The following IQCK variants were observed in gnomAD, a reference collection of about 807,000 sequenced individuals.
The protein encoded by IQCK is IQ domain-containing protein K.
A neutral mutation model predicts 28.1 loss-of-function variants in IQCK; 29 were observed. The ratio of observed to expected loss-of-function variants is 1.03; its 90% CI spans 0.77 to 1.41. IQCK has a LOEUF of 1.41. Among genes scored for constraint, IQCK ranks in the 40% most tolerant of loss-of-function variants. The pLI, the probability that IQCK is intolerant of heterozygous loss-of-function variation, is 0.00. For synonymous variants in IQCK, 113 were observed against 115.1 expected (o/e 0.98, Z 0.12); for missense variants, 359 against 314.7 (o/e 1.14, Z -1.07).
intron 7 of IQCK, among the ~76,000 whole-genome samples, chr16:19,817,178 A>T (rs986239677): frequency 6.6e-6 from 1 of 152,178 alleles, no homozygotes; most frequent in Non-Finnish European, 1.5e-5. Context: ...GAGCAAATAG[A>T]GACTCCACAC....
In IQCK at chr16:19,724,783, C is replaced by T. The variant is rs1001862095; in HGVS notation, c.182-5647C>T. On this transcript the variant is annotated intron_variant, in intron 1 of 7. Transcript: ENST00000564186. ...TCCTGACCTTGTGATCTGCCTGCCTCGGCCTCCCAAAGTGCTGGGATTACA... is the reference window on the plus strand; with the variant it reads ...TCCTGACCTTGTGATCTGCCTGCCTTGGCCTCCCAAAGTGCTGGGATTACA... Among the ~76,000 whole-genome samples, 10 of 152,144 alleles carry T rather than the reference C, an allele frequency of 6.6e-5. No individual in the cohort carries two copies. The East Asian group carries it at 1.3e-3, about 20-fold the overall frequency.
chr16:19,769,570 C>T (rs370452531), intron 6 of IQCK, among the ~76,000 whole-genome samples: 2 of 152,188 alleles, frequency 1.3e-5, no homozygotes, highest in African/African-American at 4.8e-5. Flanking sequence ...GCATCGCTAG[C>T]TCCTGGAGTG....
chr16:19,750,563 G>A (rs1370866143), intron 4 of IQCK, among the ~76,000 whole-genome samples: 1 of 151,824 alleles, frequency 6.6e-6, no homozygotes, highest in Non-Finnish European at 1.5e-5. Context: ...CCGGATTCAA[G>A]CAACTCTCCT....
chr16:19,769,106 T>A (rs2055282869), intron 6 of IQCK, among the ~76,000 whole-genome samples: 1 of 152,194 alleles, frequency 6.6e-6, no homozygotes, highest in South Asian at 2.1e-4. Context: ...GCTGCTTGAG[T>A]ATCCTCATGA....
At chr16:19,732,923 A>C (rs1303617980) in intron 2 of IQCK, among the ~76,000 whole-genome samples, 2 of 152,174 alleles carry the variant, frequency 1.3e-5, no homozygotes, top group East Asian at 1.9e-4. Flanking sequence ...GAAGGACCAG[A>C]AAGAAGCCTG....
chr16:19,827,892 C>T (rs2056169659), downstream of IQCK, among the ~76,000 whole-genome samples: 1 of 151,988 alleles, frequency 6.6e-6, no homozygotes, highest in Non-Finnish European at 1.5e-5. Flanking sequence ...TTCTCAGTCA[C>T]CATAATTTCA....
chr16:19,844,550 T>C (rs1447410614), intron 9 of IQCK, among the ~76,000 whole-genome samples: 1 of 152,176 alleles, frequency 6.6e-6, no homozygotes, highest in Non-Finnish European at 1.5e-5. Context: ...GGGGCAAAAA[T>C]GACATAGATG....
chr16:19,857,233 G>A (rs2056573247), exon 10 of IQCK: 2 of 297,008 alleles, frequency 6.7e-6, no homozygotes, highest in African/African-American at 4.6e-5. Flanking sequence ...CGACCCTCAA[G>A]GCAGATCCGA....
intron 9 of IQCK, among the ~76,000 whole-genome samples, chr16:19,850,243 G>T (rs1403099637): frequency 1.3e-5 from 2 of 152,092 alleles, no homozygotes; most frequent in Non-Finnish European, 1.5e-5. Context: ...AGGCAGTTGT[G>T]AGATCTTGAC....
chr16:19,844,240 C>T (rs2079148), intron 9 of IQCK, among the ~76,000 whole-genome samples: 46,953 of 151,970 alleles, frequency 0.31, 7,738 homozygotes, highest in East Asian at 0.53. Flanking sequence ...CCACCACGCC[C>T]GGCTAATTTT....
chr16:19,784,580 G>T (rs2055537251), intron 6 of IQCK, among the ~76,000 whole-genome samples: 1 of 152,168 alleles, frequency 6.6e-6, no homozygotes, highest in Non-Finnish European at 1.5e-5. Flanking sequence ...TGTCCTAAGT[G>T]CTGGAGATAC....
At chr16:19,747,394 T>C (rs1400330353) in intron 4 of IQCK, among the ~76,000 whole-genome samples, 1 of 152,124 alleles carries the variant, frequency 6.6e-6, no homozygotes, top group Admixed American at 6.5e-5. Context: ...CTCTTGAGCC[T>C]GAGGCTTGGA....
At chr16:19,722,128 A>G (rs924372254) in intron 1 of IQCK, among the ~76,000 whole-genome samples, 3 of 152,066 alleles carry the variant, frequency 2.0e-5, no homozygotes, top group Admixed American at 6.5e-5. Context: ...AGCAATCAGC[A>G]TCTCTCAATG....
At chr16:19,823,944 A>AATAAAGTTT (rs2056109231) in intron 7 of IQCK, among the ~76,000 whole-genome samples, 1 of 151,868 alleles carries the variant, frequency 6.6e-6, no homozygotes, top group African/African-American at 2.4e-5. Flanking sequence ...AAAAATAAAT[A>AATAAAGTTT]AATAAATAAA....
At chr16:19,777,495 G>A (rs191466048) in intron 6 of IQCK, among the ~76,000 whole-genome samples, 148 of 152,328 alleles carry the variant, frequency 9.7e-4, no homozygotes, top group African/African-American at 3.5e-3. Flanking sequence ...TCTTATAGAA[G>A]AGTAGATTTC....
intron 7 of IQCK, among the ~76,000 whole-genome samples, chr16:19,807,584 A>G (rs143899680): frequency 6.6e-6 from 1 of 152,270 alleles, no homozygotes; most frequent in African/African-American, 2.4e-5. Context: ...CTGAATCAAA[A>G]TCTGCATCTT....
At chr16:19,803,072 C>T (rs890246320) in intron 7 of IQCK, among the ~76,000 whole-genome samples, 5 of 152,174 alleles carry the variant, frequency 3.3e-5, no homozygotes, top group African/African-American at 1.2e-4. Context: ...GATTCTTGTT[C>T]AACTGGTCAC....
chr16:19,777,019 G>A (rs1214809124), intron 6 of IQCK, among the ~76,000 whole-genome samples: 1 of 152,172 alleles, frequency 6.6e-6, no homozygotes, highest in Non-Finnish European at 1.5e-5. Context: ...AACTAAATGA[G>A]CACGAAGAGC....
chr16:19,767,673 G>A (rs1030354371), intron 6 of IQCK, among the ~76,000 whole-genome samples: 1 of 152,074 alleles, frequency 6.6e-6, no homozygotes, highest in African/African-American at 2.4e-5. Context: ...CAGGACGGGG[G>A]GTGTGGCAAG....
Sources: allele counts gnomAD v4.1 joint callset (sites outside exome capture counted in the v4.1 genomes callset), GRCh38; gene constraint gnomAD v4.1.1; transcripts MANE v1.5; gene names NCBI Gene and HGNC (gene_info 2026-07-23, HGNC 2026-07-21).